Variants in PARD3 observed in about 807,000 individuals in gnomAD.
PARD3 encodes partitioning defective 3 homolog.
In PARD3, 75 loss-of-function variants were observed where a neutral mutation model predicts 155.4. The ratio of observed to expected loss-of-function variants is 0.48; its 90% CI spans 0.40 to 0.58. The LOEUF is 0.58. Ranked by LOEUF, PARD3 falls within the 20% of genes least tolerant of loss-of-function variation. The probability of loss-of-function intolerance (pLI) is 0.00; values close to 1 mark genes in which losing one functional copy is unlikely to be tolerated. For missense variants in PARD3, 1,642 were observed against 1,721.7 expected, an observed-to-expected ratio of 0.95 and a Z score of 0.82; for synonymous variants, 576 against 610.5, an observed-to-expected ratio of 0.94 and a Z score of 0.83.
At chr10:34,132,111 G>A (rs1391672735) in intron 22 of PARD3, among the ~76,000 whole-genome samples, 3 of 152,008 alleles carry the variant, frequency 2.0e-5, no homozygotes, top group Non-Finnish European at 4.4e-5. Context: ...ATAATACGAG[G>A]TTCCTATTTA....
intron 1 of PARD3, among the ~76,000 whole-genome samples, chr10:34,769,687 G>C (rs1191524260): frequency 2.0e-5 from 3 of 151,542 alleles, no homozygotes; most frequent in Middle Eastern, 3.2e-3. Context: ...GAGCCCAGGA[G>C]GTCAAGGCTT....
chr10:34,122,933 T>C (rs1281468833), intron 23 of PARD3, among the ~76,000 whole-genome samples: 4 of 152,206 alleles, frequency 2.6e-5, no homozygotes, highest in Admixed American at 1.3e-4. Context: ...AAGAGGTAAT[T>C]TGTAACCTCA....
chr10:34,250,006 T>C (rs982893460), intron 22 of PARD3, among the ~76,000 whole-genome samples: 7 of 152,234 alleles, frequency 4.6e-5, no homozygotes, highest in South Asian at 4.1e-4. Flanking sequence ...TTCTTTCCAA[T>C]TGATGGCATA....
chr10:34,604,572 A>T (rs894652608), intron 2 of PARD3, among the ~76,000 whole-genome samples: 1 of 148,128 alleles, frequency 6.8e-6, no homozygotes, highest in Non-Finnish European at 1.5e-5. Flanking sequence ...TCCTTTATTT[A>T]TATATATATA....
chr10:34,111,267 T>C lies in PARD3; in HGVS notation c.3964A>G (p.Lys1322Glu). Residue 1322 changes from lysine to glutamate, a missense_variant, in exon 25 of 25, where the codon AAG (lysine) becomes GAG (glutamate). Around this residue, in one of 3 missense-constraint regions of PARD3, gnomAD observed 1,529 missense variants for 1,587.3 expected, o/e 0.96. Transcript: ENST00000374788. ...GGCACATCTTGCCGGAAGGGCCCCTTGGGAGGGGCGTAACTGGGGTCCTGG... is the reference window on the plus strand; with the variant it reads ...GGCACATCTTGCCGGAAGGGCCCCTCGGGAGGGGCGTAACTGGGGTCCTGG... Reference protein sequence around the residue: ...KVQDPSYAPPKGPFRQDVPPS... With the variant: ...KVQDPSYAPPEGPFRQDVPPS... 1 of 1,613,550 alleles carries C rather than the reference T, an allele frequency of 6.2e-7. No homozygotes were observed.
At chr10:34,649,765 CTTTTAA>C (rs901313896) in intron 2 of PARD3, among the ~76,000 whole-genome samples, 39 of 152,330 alleles carry the variant, frequency 2.6e-4, no homozygotes, top group African/African-American at 9.4e-4. Flanking sequence ...ACTTTATATA[CTTTTAA>C]TTTTTTCAAC....
chr10:34,422,428 T>C lies in PARD3; in HGVS notation c.715-20511A>G, dbSNP rs1196280451. On this transcript the variant is annotated intron_variant, in intron 5 of 24. Coordinates refer to ENST00000374788, the MANE Select transcript of PARD3 (RefSeq NM_001184785.2). Reference sequence around the variant, plus strand: ...AAAAGCAAAAATAGGCAAACAAGATTGCATCAAACTAAACTAAAAAGCTTC... The same window carrying C: ...AAAAGCAAAAATAGGCAAACAAGATCGCATCAAACTAAACTAAAAAGCTTC... Among the ~76,000 whole-genome samples the C allele has an allele frequency of 2.6e-5, 4 of 151,992 alleles. No homozygotes were observed. The East Asian group carries it at 7.7e-4, about 29-fold the overall frequency.
rs1836850480 is a variant in PARD3 at position 34,341,720 on chromosome 10, T to C, written c.2315A>G (p.Asp772Gly). The change falls in exon 16 of 25, where the codon GAC becomes GGC. Residue 772 changes from aspartate (D) to glycine (G), a missense_variant. Physicochemically the swap from Asp to Gly is moderately conservative, Grantham distance 94. Coordinates refer to ENST00000374788, the MANE Select transcript of PARD3 (RefSeq NM_001184785.2). ...ATCATGGGAGCTGGAAGAGGACTGG[T>C]CAGAGAGATGTGGAGGAAGCACTGG... ...RLPVLPPHLS[D>G]QSSSSSHDDV... is the part of the protein sequence containing the mutation. 2.5e-6 allele frequency: 4 copies of C among 1,613,932 alleles called. No individual in the cohort carries two copies. The highest frequency in any genetic ancestry group is 3.4e-6 in the Non-Finnish European group (4 of 1,179,902).
intron 14 of PARD3, among the ~76,000 whole-genome samples, chr10:34,350,570 T>C (rs948182350): frequency 2.2e-5 from 3 of 138,380 alleles, no homozygotes; most frequent in Non-Finnish European, 3.0e-5. Context: ...GAGGCAGAGG[T>C]TGCAGTGAGC....
Position 34,317,327 on chromosome 10 carries a change from T to G in PARD3, c.2845A>C (p.Thr949Pro), listed in dbSNP as rs1040148358. 6.3e-7 allele frequency: 1 copy of G among 1,595,824 alleles called. No homozygotes were observed. The highest frequency in any genetic ancestry group is 1.8e-5 in the Admixed American group (1 of 56,140). The stretch of plus-strand genomic sequence containing the variant: ...CTCCCTGATCTTGAACTTTCTTCTG[T>G]GTCTTCTTCCACTTGGAAGGAAAGA... ...DEGMETLEED[T>P]EESSRSGRES... is the part of the protein sequence containing the mutation. Residue 949 changes from threonine (T) to proline (P), a missense_variant, in exon 20 of 25, where the codon ACA becomes CCA. Thr to Pro is a conservative substitution (Grantham distance 38, BLOSUM62 -1). This residue lies in a region of PARD3 where 1,529 missense variants were observed against 1,587.3 expected (regional missense o/e 0.96). Coordinates refer to ENST00000374788, the MANE Select transcript of PARD3 (RefSeq NM_001184785.2).
At chr10:34,700,412 TTG>T (rs2094253111) in intron 1 of PARD3, among the ~76,000 whole-genome samples, 1 of 152,226 alleles carries the variant, frequency 6.6e-6, no homozygotes, top group African/African-American at 2.4e-5. Flanking sequence ...AGGCGAGCTT[TTG>T]TGAGTTATGA....
intron 20 of PARD3, among the ~76,000 whole-genome samples, chr10:34,308,484 G>C (rs948289744): frequency 3.3e-5 from 5 of 152,132 alleles, no homozygotes; most frequent in African/African-American, 1.2e-4. Flanking sequence ...ACTGCTTGTG[G>C]GGCATAAGGG....
chr10:34,545,877 A>T (rs1038408672), intron 2 of PARD3, among the ~76,000 whole-genome samples: 1 of 152,190 alleles, frequency 6.6e-6, no homozygotes, highest in East Asian at 1.9e-4. Flanking sequence ...ATTTTAATTA[A>T]AACCTATGTA....
At chr10:34,751,787 T>A (rs1343353121) in intron 1 of PARD3, among the ~76,000 whole-genome samples, 2 of 150,906 alleles carry the variant, frequency 1.3e-5, no homozygotes, top group Non-Finnish European at 3.0e-5. Context: ...TTTTTTTTTT[T>A]AATAGAGATG....
At chr10:34,609,087 A>T (rs1195176592) in intron 2 of PARD3, among the ~76,000 whole-genome samples, 8 of 152,224 alleles carry the variant, frequency 5.3e-5, no homozygotes, top group Non-Finnish European at 1.2e-4. Context: ...CTAAGATTCC[A>T]GGAATGAATA....
At chr10:34,494,371 A>G (rs969018015) in intron 3 of PARD3, among the ~76,000 whole-genome samples, 2 of 152,244 alleles carry the variant, frequency 1.3e-5, no homozygotes, top group Admixed American at 1.3e-4. Context: ...GCAAAGACAC[A>G]AAACAATTCT....
chr10:34,148,586 T>C (rs563165595), intron 22 of PARD3, among the ~76,000 whole-genome samples: 29 of 152,198 alleles, frequency 1.9e-4, no homozygotes, highest in African/African-American at 4.3e-4. Context: ...CAGTGCAACA[T>C]TGTCTAGAGA....
intron 12 of PARD3, among the ~76,000 whole-genome samples, 178 bp downstream of exon 12, chr10:34,372,320 T>A (rs1007672515): frequency 6.6e-6 from 1 of 152,128 alleles, no homozygotes; most frequent in African/African-American, 2.4e-5. Flanking sequence ...ATACTCCATT[T>A]GGGGTGGTAA....
Position 34,806,411 on chromosome 10 carries a change from G to A in PARD3, c.120+8465C>T, listed in dbSNP as rs144642547. 6.8e-3 allele frequency among the ~76,000 whole-genome samples: 1,040 copies of A among 152,102 alleles called. 11 individuals carry two copies. The highest frequency in any genetic ancestry group is 0.023 in the African/African-American group (949 of 41,518). On this transcript the variant is annotated intron_variant, in intron 1 of 24. Transcript: ENST00000374788. Reference sequence around the variant, plus strand: ...GGGTTTCACTACTTTGGCCAGGCTCGAACTCCTGACCTCGTGATCCACCCA... The same window carrying A: ...GGGTTTCACTACTTTGGCCAGGCTCAAACTCCTGACCTCGTGATCCACCCA...
Sources: allele counts gnomAD v4.1 joint callset (sites outside exome capture counted in the v4.1 genomes callset), GRCh38; gene constraint gnomAD v4.1.1; regional missense constraint gnomAD v4.1.1; transcripts MANE v1.5; gene names NCBI Gene and HGNC (gene_info 2026-07-23, HGNC 2026-07-21).